PKP2: variants seen among roughly 807,000 people sequenced by gnomAD.
PKP2 encodes plakophilin 2.
Under a neutral mutation model 83.4 loss-of-function variants are expected in PKP2, and 73 were observed. That is an observed-to-expected ratio of 0.88 (90% CI 0.72 to 1.06). PKP2 has a LOEUF of 1.06. Among genes scored for constraint, PKP2 ranks in the 50% least tolerant of loss-of-function variants. The probability of loss-of-function intolerance (pLI) is 0.00; values close to 1 mark genes in which losing one functional copy is unlikely to be tolerated. For synonymous variants in PKP2, 409 were observed against 430.4 expected (o/e 0.95, Z 0.62); for missense variants, 966 against 1,065.4 (o/e 0.91, Z 1.30).
At chr12:32,821,825 T>TA (rs1362798869) in intron 8 of PKP2, 2 of 370,004 alleles carry the variant, frequency 5.4e-6, no homozygotes, top group Non-Finnish European at 5.1e-6. Context: ...AGGCTGCTGT[T>TA]GAGCTAAAAG....
intron 6 of PKP2, among the ~76,000 whole-genome samples, chr12:32,829,114 TACAG>T (rs1408160753): frequency 3.3e-5 from 5 of 152,064 alleles, no homozygotes; most frequent in Non-Finnish European, 7.4e-5. Context: ...TTATTTTTTG[TACAG>T]ACAGAGTCTA....
At chr12:32,882,196 G>C (rs1183990870) in intron 1 of PKP2, among the ~76,000 whole-genome samples, 1 of 152,176 alleles carries the variant, frequency 6.6e-6, no homozygotes, top group African/African-American at 2.4e-5. Context: ...GGCTATCCAT[G>C]TTCAAACCTT....
intron 1 of PKP2, among the ~76,000 whole-genome samples, chr12:32,881,018 G>T (rs1411100036): frequency 1.3e-5 from 2 of 152,020 alleles, no homozygotes; most frequent in African/African-American, 4.8e-5. Context: ...AGTACAATGG[G>T]AACACATCAA....
chr12:32,868,920 C>T lies in PKP2; in HGVS notation c.1170+7G>A, dbSNP rs2137919059. ...GCGCTTTGCAATGGACTGAAGATGA[C>T]ACTCACCCTCTTCCGAGCTTCAGAT... On this transcript the variant is annotated splice_region_variant and intron_variant, in intron 4 of 12. Transcript: ENST00000340811. 6.2e-7 allele frequency: 1 copy of T among 1,612,020 alleles called. No individual in the cohort carries two copies. Among genetic ancestry groups the T allele is most frequent in the South Asian group, 1.1e-5 (1 of 91,002 alleles).
rs535937056 is a variant in PKP2 at position 32,882,632 on chromosome 12, T to C, written c.224-3600A>G. On this transcript the variant is annotated intron_variant, in intron 1 of 12. Coordinates refer to ENST00000340811, the MANE Select transcript of PKP2 (RefSeq NM_001005242.3). ...AACTGACATTAAACATTCAAGTTGTTGCTGTGAGTTTTAAGCCTTTTTAAA... is the reference window on the plus strand; with the variant it reads ...AACTGACATTAAACATTCAAGTTGTCGCTGTGAGTTTTAAGCCTTTTTAAA... 3.9e-5 allele frequency among the ~76,000 whole-genome samples: 6 copies of C among 152,356 alleles called. No individual in the cohort carries two copies. In the South Asian group the frequency reaches 1.2e-3, roughly 32 times the overall value.
In PKP2 at chr12:32,878,970, C is replaced by A; in HGVS notation, c.286G>T (p.Asp96Tyr). ...YVYNLHLVEN[D>Y]FVGGRSPVPK... ...ACAGGGGAACGGCCTCCAACAAAAT[C>A]ATTTTCAACCAAGTGTAGGTTGTAG... Residue 96 changes from aspartate (D) to tyrosine (Y), a missense_variant, in exon 2 of 13, where the codon GAT becomes TAT. Coordinates refer to ENST00000340811, the MANE Select transcript of PKP2 (RefSeq NM_001005242.3). 6.2e-7 allele frequency: 1 copy of A among 1,609,322 alleles called. No homozygotes were observed. The highest frequency in any genetic ancestry group is 8.5e-7 in the Non-Finnish European group (1 of 1,177,402).
intron 3 of PKP2, among the ~76,000 whole-genome samples, chr12:32,871,209 C>T (rs1466713031): frequency 1.3e-5 from 2 of 152,224 alleles, no homozygotes; most frequent in East Asian, 3.9e-4. Context: ...CTTCACAAGC[C>T]ACCTTCTTTG....
In PKP2 at chr12:32,841,036, T is replaced by A; in HGVS notation, c.1548A>T (p.Gly516=). 6.2e-7 allele frequency: 1 copy of A among 1,612,862 alleles called. No homozygotes were observed. Among genetic ancestry groups the A allele is most frequent in the Non-Finnish European group, 8.5e-7 (1 of 1,179,524 alleles). The change falls in exon 6 of 13, where the codon GGA becomes GGT. Residue 516 remains glycine, a synonymous_variant. Transcript: ENST00000340811. The part of the protein sequence containing the change: ...LDFDIFYNVT[G]CLRNMSSAGA... ...GGTACAGGTAGCATTACCTTAGGCATCCAGTGACGTTGTAGAATATGTCAA... is the reference window on the plus strand; with the variant it reads ...GGTACAGGTAGCATTACCTTAGGCAACCAGTGACGTTGTAGAATATGTCAA...
At chr12:32,841,265 A>C in intron 5 of PKP2, 60 bp from the exon 6 acceptor site, 3 of 1,433,058 alleles carry the variant, frequency 2.1e-6, no homozygotes, top group Non-Finnish European at 2.9e-6. Flanking sequence ...TGACCGCTGA[A>C]AAGTTCAGTC....
At chr12:32,893,238 A>G (rs1957091005) in intron 1 of PKP2, 1 of 152,166 alleles carries the variant, frequency 6.6e-6, no homozygotes. Flanking sequence ...TTTGTCAACA[A>G]CTCAGAATTC....
chr12:32,795,529 C>T (rs1167198586), intron 11 of PKP2, among the ~76,000 whole-genome samples: 1 of 152,138 alleles, frequency 6.6e-6, no homozygotes, highest in Non-Finnish European at 1.5e-5. Flanking sequence ...TACAGACACG[C>T]ACCACCACAC....
intron 4 of PKP2, among the ~76,000 whole-genome samples, chr12:32,859,862 C>A (rs1956783371): frequency 6.6e-6 from 1 of 151,702 alleles, no homozygotes; most frequent in South Asian, 2.1e-4. Context: ...CAAAAACAAA[C>A]AAAAGAATAA....
At chr12:32,827,731 A>G (rs1226165837) in intron 6 of PKP2, among the ~76,000 whole-genome samples, 4 of 152,244 alleles carry the variant, frequency 2.6e-5, no homozygotes, top group African/African-American at 9.6e-5. Context: ...ATCGAAAATT[A>G]AAAGAGAATG....
At chr12:32,843,109 AG>A (rs1024368431) in intron 5 of PKP2, 8 of 390,484 alleles carry the variant, frequency 2.0e-5, no homozygotes, top group African/African-American at 1.7e-4. Flanking sequence ...TCTCCTGAGT[AG>A]CTGGGATTAC....
At chr12:32,884,753 G>A (rs1957015958) in intron 1 of PKP2, among the ~76,000 whole-genome samples, 1 of 150,944 alleles carries the variant, frequency 6.6e-6, no homozygotes, top group Admixed American at 6.6e-5. Flanking sequence ...ATAAACTAGT[G>A]TGCATGGTTT....
At chr12:32,864,116 C>T (rs1956825169) in intron 4 of PKP2, among the ~76,000 whole-genome samples, 1 of 152,026 alleles carries the variant, frequency 6.6e-6, no homozygotes, top group Admixed American at 6.6e-5. Flanking sequence ...TCAAAAACTC[C>T]ATTAAAGCAG....
intron 9 of PKP2, among the ~76,000 whole-genome samples, chr12:32,806,686 T>TTGTGTGTGTG (rs140484431): frequency 0.052 from 7,759 of 149,674 alleles, 244 homozygotes; most frequent in Non-Finnish European, 0.079. Context: ...TTTGAAGGGT[T>TTGTGTGTGTG]TGTGTGTGTG....
intron 4 of PKP2, among the ~76,000 whole-genome samples, chr12:32,864,321 C>T (rs1274473194): frequency 1.3e-5 from 2 of 149,510 alleles, no homozygotes; most frequent in East Asian, 3.9e-4. Flanking sequence ...CACACACACA[C>T]ACACACACAC....
chr12:32,858,081 AAAAATATATATAT>A (rs1956766452), intron 4 of PKP2, among the ~76,000 whole-genome samples: 4 of 51,176 alleles, frequency 7.8e-5, no homozygotes, highest in African/African-American at 3.6e-4. Context: ...AAAAAAAAAA[AAAAATATATATAT>A]ATATATATAT....
Sources: allele counts gnomAD v4.1 joint callset (sites outside exome capture counted in the v4.1 genomes callset), GRCh38; gene constraint gnomAD v4.1.1; transcripts MANE v1.5; gene names NCBI Gene and HGNC (gene_info 2026-07-23, HGNC 2026-07-21).